Variants in CMBL observed in about 807,000 individuals in gnomAD.
CMBL encodes the protein carboxymethylenebutenolidase homolog, also known as carboxymethylenebutenolidase homolog (Pseudomonas).
Under a neutral mutation model 28.7 loss-of-function variants are expected in CMBL, and 17 were observed. That is an observed-to-expected ratio of 0.59 (90% CI 0.41 to 0.89). The LOEUF (loss-of-function observed/expected upper bound fraction) is 0.89. Ranked by LOEUF, CMBL falls within the 40% of genes least tolerant of loss-of-function variation. The probability of loss-of-function intolerance (pLI) is 0.00; values close to 1 mark genes in which losing one functional copy is unlikely to be tolerated. For synonymous variants in CMBL, 106 were observed against 101.6 expected (o/e 1.04, Z -0.26); for missense variants, 310 against 298.5 (o/e 1.04, Z -0.28).
chr5:10,296,623 C>T (rs1746814431), intron 1 of CMBL, among the ~76,000 whole-genome samples: 1 of 152,094 alleles, frequency 6.6e-6, no homozygotes, highest in Non-Finnish European at 1.5e-5. Context: ...GAAGACTGAG[C>T]CCTGGGGTCC....
rs193265881 is a variant in CMBL, at chr5:10,304,713, G to A, written c.-20+2912C>T. ...CACACCTGTAATCCCAGCACTTTGG[G>A]AAGCTGAGGCAAGAGGATTGCTTGA... On this transcript the variant is annotated intron_variant, in intron 1 of 5. Transcript: ENST00000296658. Among the ~76,000 whole-genome samples, 348 of 152,276 alleles carry A rather than the reference G, an allele frequency of 2.3e-3. 1 individual carries two copies. Among genetic ancestry groups the A allele is most frequent in the Middle Eastern group, 0.01 (3 of 294 alleles).
intron 1 of CMBL, among the ~76,000 whole-genome samples, chr5:10,306,743 G>A (rs928161827): frequency 6.6e-6 from 1 of 152,200 alleles, no homozygotes; most frequent in African/African-American, 2.4e-5. Context: ...CAGCAGCCAT[G>A]CTTGTATTTT....
chr5:10,293,592 T>C (rs1286731866), intron 1 of CMBL, among the ~76,000 whole-genome samples: 3 of 152,074 alleles, frequency 2.0e-5, no homozygotes, highest in African/African-American at 7.2e-5. Context: ...CCACAATAAC[T>C]GAAAGAAAAT....
chr5:10,306,600 T>G (rs1436915651), intron 1 of CMBL, among the ~76,000 whole-genome samples: 2 of 152,130 alleles, frequency 1.3e-5, no homozygotes, highest in African/African-American at 4.8e-5. Flanking sequence ...GGCAGGAGGT[T>G]TCTCCTTTAC....
rs1232769092 is a variant in CMBL, at chr5:10,289,497, G to A, written c.216-968C>T. ...ATCGGCTGCTTGGGCCAGTGATCTG[G>A]GGCAGCCGCAAAGCGCTCTCTTTAT... On this transcript the variant is annotated intron_variant, in intron 2 of 5. Transcript: ENST00000296658. This position sits in a 1 kb window ranked among gnomAD's most constrained non-coding sequence, Gnocchi z 4.3. Among the ~76,000 whole-genome samples, 2 of 152,156 alleles carry A rather than the reference G, an allele frequency of 1.3e-5. No homozygotes were observed. The highest frequency in any genetic ancestry group is 4.1e-4 in the South Asian group (2 of 4,824).
At chr5:10,301,654 T>C (rs185081432) in intron 1 of CMBL, among the ~76,000 whole-genome samples, 100 of 149,202 alleles carry the variant, frequency 6.7e-4, no homozygotes, top group South Asian at 1.3e-3. Flanking sequence ...CCAGGCTGGA[T>C]TGCAGTGCAC....
At chr5:10,285,102 C>T (rs1269705202) in intron 4 of CMBL, among the ~76,000 whole-genome samples, 5 of 151,980 alleles carry the variant, frequency 3.3e-5, no homozygotes, top group Non-Finnish European at 7.4e-5. Context: ...CTTCTGGGCT[C>T]AAGTGATTCT....
chr5:10,303,986 C>T (rs932637361), intron 1 of CMBL, among the ~76,000 whole-genome samples: 2 of 152,204 alleles, frequency 1.3e-5, no homozygotes, highest in African/African-American at 2.4e-5. Flanking sequence ...ACCCTTGGAT[C>T]ATGCTAACGC....
chr5:10,303,791 A>G (rs1746951874), intron 1 of CMBL, among the ~76,000 whole-genome samples: 1 of 152,206 alleles, frequency 6.6e-6, no homozygotes, highest in Non-Finnish European at 1.5e-5. Context: ...TCTAAAGGCT[A>G]AACAGAAACT....
At chr5:10,292,692 C>A (rs1445674860) in intron 1 of CMBL, among the ~76,000 whole-genome samples, 1 of 151,904 alleles carries the variant, frequency 6.6e-6, no homozygotes, top group Non-Finnish European at 1.5e-5. Flanking sequence ...GGTGTGGTGG[C>A]AGGCGCCTGT....
intron 4 of CMBL, among the ~76,000 whole-genome samples, chr5:10,284,614 G>A (rs1746563438): frequency 1.3e-5 from 2 of 152,178 alleles, no homozygotes; most frequent in South Asian, 4.1e-4. Flanking sequence ...AATAGGCCTT[G>A]CGTTAGATGA....
intron 1 of CMBL, among the ~76,000 whole-genome samples, chr5:10,295,065 A>T (rs1200403223): frequency 6.6e-6 from 1 of 151,676 alleles, no homozygotes; most frequent in Non-Finnish European, 1.5e-5. Context: ...TCCTGTATTG[A>T]TGAATTCATC....
At position 10,288,477 on chromosome 5, in the gene CMBL, C is replaced by G; in HGVS notation, c.268G>C (p.Asp90His). 2 of 1,614,090 alleles carry G rather than the reference C, an allele frequency of 1.2e-6. No individual in the cohort carries two copies. Among genetic ancestry groups the G allele is most frequent in the Non-Finnish European group, 1.7e-6 (2 of 1,179,968 alleles). ...VGQEPWDPSG[D>H]WSIFPEWLKT... ...AGCCACTCAGGGAAGATAGACCAGT[C>G]GCCAGAGGGGTCCCAAGGCTCTTGC... The change falls in exon 3 of 6, where the codon GAC becomes CAC. Residue 90 changes from aspartate to histidine, a missense_variant. By Grantham distance (81) the Asp-to-His change is moderately conservative (BLOSUM62 -1). Coordinates refer to ENST00000296658, the MANE Select transcript of CMBL (RefSeq NM_138809.4).
At chr5:10,295,185 G>A (rs1214799944) in intron 1 of CMBL, among the ~76,000 whole-genome samples, 1 of 151,940 alleles carries the variant, frequency 6.6e-6, no homozygotes, top group Non-Finnish European at 1.5e-5. Flanking sequence ...CTGGGTTCAA[G>A]CGATTCTCCT....
intron 1 of CMBL, 87 bp from the exon 2 acceptor site, chr5:10,290,868 G>C: frequency 5.8e-6 from 6 of 1,031,212 alleles, no homozygotes; most frequent in Non-Finnish European, 8.5e-6. Flanking sequence ...CAAGATTATA[G>C]AAAAAAATTC....
chr5:10,280,707 A>G (rs951120313), intron 5 of CMBL, 75 bp from the exon 6 acceptor site: 2 of 1,258,128 alleles, frequency 1.6e-6, no homozygotes, highest in African/African-American at 1.5e-5. Context: ...GTGAGCGTTC[A>G]TAACAGAAAT....
intron 1 of CMBL, among the ~76,000 whole-genome samples, chr5:10,292,339 G>A (rs1746737819): frequency 3.9e-5 from 6 of 151,980 alleles, no homozygotes; most frequent in Admixed American, 3.3e-4. Context: ...CCAAGTAGCT[G>A]GGACTATGGC....
chr5:10,293,670 G>GA (rs993747196), intron 1 of CMBL, among the ~76,000 whole-genome samples: 5 of 152,208 alleles, frequency 3.3e-5, no homozygotes, highest in Non-Finnish European at 7.3e-5. Flanking sequence ...CTGGATAGAT[G>GA]AATACATCAA....
chr5:10,282,802 A>C (rs1746520351), intron 4 of CMBL, among the ~76,000 whole-genome samples: 1 of 150,392 alleles, frequency 6.6e-6, no homozygotes. Flanking sequence ...ACAAACAAAA[A>C]ACCCAAAGCC....
Sources: allele counts gnomAD v4.1 joint callset (sites outside exome capture counted in the v4.1 genomes callset), GRCh38; gene constraint gnomAD v4.1.1; non-coding constraint Gnocchi (gnomAD v3.1); transcripts MANE v1.5; gene names NCBI Gene and HGNC (gene_info 2026-07-23, HGNC 2026-07-21).